Variants in ZNF451 observed in about 807,000 individuals in gnomAD.
ZNF451 encodes E3 SUMO-protein ligase ZNF451.
In ZNF451, 80 loss-of-function variants were observed where a neutral mutation model predicts 107.1. The ratio of observed to expected loss-of-function variants is 0.75; its 90% CI spans 0.62 to 0.90. The LOEUF (loss-of-function observed/expected upper bound fraction) is 0.90, where lower values mean the gene tolerates loss of function less well. Among genes scored for constraint, ZNF451 ranks in the 40% least tolerant of loss-of-function variants. The pLI is 0.00. For synonymous variants in ZNF451, 362 were observed against 406.5 expected, an observed-to-expected ratio of 0.89 and a Z score of 1.32; for missense variants, 1,107 against 1,236.2, an observed-to-expected ratio of 0.90 and a Z score of 1.57.
intron 7 of ZNF451, among the ~76,000 whole-genome samples, chr6:57,139,729 T>C (rs984028336): frequency 1.3e-5 from 2 of 152,204 alleles, no homozygotes; most frequent in East Asian, 1.9e-4. Context: ...GACATACTTA[T>C]TTGACTGTGT....
At chr6:57,143,482 C>T (rs1831885105) in intron 9 of ZNF451, among the ~76,000 whole-genome samples, 1 of 152,046 alleles carries the variant, frequency 6.6e-6, no homozygotes, top group Non-Finnish European at 1.5e-5. Context: ...ATTTGCTTAT[C>T]TTTGTCTAGC....
rs562634270 is a variant in ZNF451 at position 57,099,091 on chromosome 6, A to G, written c.136A>G (p.Ile46Val). Residue 46 changes from isoleucine to valine, a missense_variant, in exon 3 of 15, where the codon ATT becomes GTT. This residue lies in a region of ZNF451 where 339 missense variants were observed against 372.8 expected (regional missense o/e 0.91). Transcript: ENST00000370706. The part of the protein sequence containing the change: ...EGPLRPVLEY[I>V]DLVSSDDEEP... ...ACCATTACGACCTGTTCTTGAATAC[A>G]TTGATCTGGTCAGCAGTGATGATGA... 1.9e-6 allele frequency: 3 copies of G among 1,613,832 alleles called. No individual in the cohort carries two copies. The highest frequency in any genetic ancestry group is 1.1e-5 in the South Asian group (1 of 91,072).
chr6:57,141,031 A>G (rs539753754), intron 7 of ZNF451, among the ~76,000 whole-genome samples: 84 of 152,302 alleles, frequency 5.5e-4, no homozygotes, highest in African/African-American at 1.9e-3. Context: ...TAAAAATGAA[A>G]ACTATATAGA....
intron 3 of ZNF451, chr6:57,104,190 A>G (rs1829738916): frequency 1.0e-6 from 1 of 985,404 alleles, no homozygotes; most frequent in African/African-American, 1.7e-5. Flanking sequence ...CTCTAGAAGA[A>G]TATCGATTAC....
chr6:57,103,180 C>T (rs1488542633), intron 3 of ZNF451: 5 of 985,384 alleles, frequency 5.1e-6, no homozygotes, highest in Non-Finnish European at 6.0e-6. Flanking sequence ...ACAATCTTGT[C>T]CCCTTATTGT....
intron 3 of ZNF451, chr6:57,109,616 C>T (rs1457873905): frequency 3.0e-6 from 3 of 985,126 alleles, no homozygotes; most frequent in Non-Finnish European, 3.6e-6. Flanking sequence ...TGTAAATGTT[C>T]ATTTCATGCC....
At chr6:57,126,695 C>T (rs1011698656) in intron 4 of ZNF451, 1 of 152,056 alleles carries the variant, frequency 6.6e-6, no homozygotes, top group Non-Finnish European at 1.5e-5. Context: ...ACAAGGTGGA[C>T]AGATCACCTG....
chr6:57,137,345 C>A (rs1831483844), intron 7 of ZNF451, among the ~76,000 whole-genome samples: 1 of 152,016 alleles, frequency 6.6e-6, no homozygotes, highest in South Asian at 2.1e-4. Context: ...TGCTCCCCTC[C>A]CCCATTTTCT....
intron 3 of ZNF451, 98 bp downstream of exon 3, chr6:57,099,239 A>G (rs1829469593): frequency 5.2e-6 from 5 of 962,330 alleles, no homozygotes; most frequent in Non-Finnish European, 8.1e-6. Context: ...GTGTTTAGAA[A>G]TAGCCAGTTC....
chr6:57,145,119 G>A (rs1831998010), intron 9 of ZNF451, among the ~76,000 whole-genome samples: 1 of 151,986 alleles, frequency 6.6e-6, no homozygotes, highest in African/African-American at 2.4e-5. Context: ...AATGGTAGCA[G>A]GTCTGTTCTC....
chr6:57,138,345 C>G (rs1454696202), intron 7 of ZNF451, among the ~76,000 whole-genome samples: 1 of 151,676 alleles, frequency 6.6e-6, no homozygotes, highest in Admixed American at 6.6e-5. Context: ...TCACTGCAAC[C>G]TCTGCCTCCC....
intron 3 of ZNF451, chr6:57,105,125 ATAT>A: frequency 1.0e-6 from 1 of 985,446 alleles, no homozygotes; most frequent in South Asian, 4.7e-5. Flanking sequence ...ATAAATCCTC[ATAT>A]TATGCCTGCC....
chr6:57,099,376 C>G, intron 3 of ZNF451: 1 of 695,816 alleles, frequency 1.4e-6, no homozygotes, highest in Non-Finnish European at 2.6e-6. Context: ...AAATTCAGAG[C>G]CTTAGAGGTG....
chr6:57,149,954 T>C (rs1832267806), intron 10 of ZNF451, among the ~76,000 whole-genome samples: 1 of 152,178 alleles, frequency 6.6e-6, no homozygotes, highest in Non-Finnish European at 1.5e-5. Context: ...GGCAGTAGTA[T>C]ATTTGAAGGA....
rs540244116 is a variant in ZNF451 at position 57,105,890 on chromosome 6, CTTTTT to C, written c.186+6755_186+6759del. 136 of 936,362 alleles carry C rather than the reference CTTTTT, an allele frequency of 1.5e-4. 1 individual carries two copies. In the African/African-American group the frequency reaches 2.3e-3, roughly 16 times the overall value. The allele number at this position is 936,362 out of a possible 1,614,324, so 58.0% of individuals were successfully genotyped here. ...CCTTATCAGTATAATTACATTTAAA[CTTTTT>C]TTTTTAAACCGTGTGGCAGCTTCTT... On this transcript the variant is annotated intron_variant, in intron 3 of 14. Transcript: ENST00000370706.
At position 57,099,017 on chromosome 6, in the gene ZNF451, T is replaced by G. The variant is rs781675825; in HGVS notation, c.106-44T>G. ...TGTAGGTTTAAATGCTAATTTGGTT[T>G]GAATAACTGTTAATGACTTCTAAAT... is the stretch of plus-strand genomic sequence containing the variant. On this transcript the variant is annotated intron_variant, in intron 2 of 14. Coordinates refer to ENST00000370706, the MANE Select transcript of ZNF451 (RefSeq NM_001031623.3). The G allele has an allele frequency of 3.3e-6, 5 of 1,527,420 alleles. No individual in the cohort carries two copies. The South Asian group carries it at 4.5e-5, about 14-fold the overall frequency. 94.6% of individuals were successfully genotyped at this position (1,527,420 alleles called of 1,614,324 possible).
At chr6:57,159,100 A>G in intron 13 of ZNF451, 1 of 985,398 alleles carries the variant, frequency 1.0e-6, no homozygotes, top group Non-Finnish European at 1.2e-6. Context: ...TTTGGGCACC[A>G]TTATAAAAAT....
Position 57,152,370 on chromosome 6 carries a change from C to A in ZNF451, c.2883+19C>A. The stretch of plus-strand genomic sequence containing the variant: ...TATGCATGTGAGTCATTGTTTTATT[C>A]AAAATCTAATGTGAATCTCAGACCC... On this transcript the variant is annotated intron_variant, in intron 12 of 14. Coordinates refer to ENST00000370706, the MANE Select transcript of ZNF451 (RefSeq NM_001031623.3). The A allele has an allele frequency of 1.2e-6, 2 of 1,612,128 alleles. No homozygotes were observed. The highest frequency in any genetic ancestry group is 1.1e-5 in the South Asian group (1 of 90,538).
intron 6 of ZNF451, chr6:57,134,053 G>T (rs1831313175): frequency 1.3e-5 from 2 of 152,244 alleles, no homozygotes; most frequent in South Asian, 4.1e-4. Flanking sequence ...ACTCCCCATA[G>T]CCTCCCTTTC....
Sources: gnomAD v4.1 joint callset for allele counts (sites outside exome capture counted in the v4.1 genomes callset) on GRCh38, gnomAD v4.1.1 for gene constraint, gnomAD v4.1.1 regional missense constraint, MANE v1.5 for transcripts, NCBI Gene and HGNC (gene_info 2026-07-23, HGNC 2026-07-21) for gene names.